RORA: variants seen among roughly 807,000 people sequenced by gnomAD.
RORA encodes RAR related orphan receptor A.
In RORA, 7 loss-of-function variants were observed where a neutral mutation model predicts 69.5. The ratio of observed to expected loss-of-function variants is 0.10; its 90% CI spans 0.06 to 0.19. The LOEUF (loss-of-function observed/expected upper bound fraction) is 0.19. RORA is among the 10% of genes least tolerant of loss of function. The pLI, the probability that RORA is intolerant of heterozygous loss-of-function variation, is 1.00. For missense variants in RORA, 457 were observed against 663.0 expected, an observed-to-expected ratio of 0.69 and a Z score of 3.41; for synonymous variants, 261 against 240.8, an observed-to-expected ratio of 1.08 and a Z score of -0.78.
intron 2 of RORA, among the ~76,000 whole-genome samples, chr15:60,617,576 G>C (rs1352663255): frequency 6.6e-6 from 1 of 151,648 alleles, no homozygotes; most frequent in African/African-American, 2.4e-5. Context: ...TAGCACAGTG[G>C]ATGATGAGCT....
chr15:60,991,728 T>A (rs1223140383), intron 1 of RORA, among the ~76,000 whole-genome samples: 1 of 151,824 alleles, frequency 6.6e-6, no homozygotes, highest in Admixed American at 6.6e-5. Flanking sequence ...CAAAACCCCA[T>A]CTCAGCCAAA....
At chr15:60,713,946 C>T (rs1431466696) in intron 1 of RORA, among the ~76,000 whole-genome samples, 2 of 152,178 alleles carry the variant, frequency 1.3e-5, no homozygotes, top group Non-Finnish European at 2.9e-5. Flanking sequence ...TAAAGTGAAG[C>T]TCTCTAGTCA....
intron 2 of RORA, chr15:60,592,262 C>CT (rs2068544963): frequency 6.6e-6 from 4 of 609,908 alleles, no homozygotes; most frequent in Non-Finnish European, 9.2e-6. Context: ...TGGCAGGGCC[C>CT]CCGCGCCGAG....
chr15:60,614,073 AT>A (rs376742157), intron 2 of RORA, among the ~76,000 whole-genome samples: 10 of 152,034 alleles, frequency 6.6e-5, no homozygotes, highest in African/African-American at 2.4e-4. Context: ...AAAAATGGTC[AT>A]TTTTTTTCCT....
At chr15:61,208,737 C>T (rs982259146) in intron 1 of RORA, among the ~76,000 whole-genome samples, 3 of 152,134 alleles carry the variant, frequency 2.0e-5, no homozygotes, top group Non-Finnish European at 4.4e-5. Flanking sequence ...GAGCCACTTA[C>T]ATAATTAATG....
rs1187959564 is a variant in RORA, at chr15:60,768,984, G to A, written c.167-90298C>T. On this transcript the variant is annotated intron_variant, in intron 1 of 10. Coordinates refer to ENST00000335670, the MANE Select transcript of RORA (RefSeq NM_134261.3). Reference sequence around the variant, plus strand: ...CTGCATGTGTGGTTATTTTTAAAACGTGCACAGTGAACACAGCTTGTGAAA... The same window carrying A: ...CTGCATGTGTGGTTATTTTTAAAACATGCACAGTGAACACAGCTTGTGAAA... 3.9e-5 allele frequency among the ~76,000 whole-genome samples: 6 copies of A among 152,102 alleles called. No homozygotes were observed. In the South Asian group the frequency reaches 8.3e-4, roughly 21 times the overall value.
At chr15:60,516,213 ATATATATATT>A (rs1416739000) in intron 3 of RORA, among the ~76,000 whole-genome samples, 7 of 11,280 alleles carry the variant, frequency 6.2e-4, no homozygotes, top group South Asian at 3.1e-3. Flanking sequence ...ATATATTTAT[ATATATATATT>A]TATATATATA....
At chr15:61,187,597 G>A (rs934362107) in intron 1 of RORA, among the ~76,000 whole-genome samples, 6 of 152,174 alleles carry the variant, frequency 3.9e-5, no homozygotes, top group Admixed American at 2.6e-4. Flanking sequence ...ACAGCGCAGG[G>A]CTACTTTGCT....
intron 1 of RORA, among the ~76,000 whole-genome samples, chr15:60,912,022 T>G (rs1014955154): frequency 6.6e-6 from 1 of 152,088 alleles, no homozygotes; most frequent in African/African-American, 2.4e-5. Context: ...GTAACTGATT[T>G]GAGGGAAGGT....
intron 1 of RORA, among the ~76,000 whole-genome samples, chr15:60,841,815 G>A (rs1016089597): frequency 4.6e-5 from 7 of 152,170 alleles, no homozygotes; most frequent in Non-Finnish European, 7.3e-5. Flanking sequence ...CACTTGTGAG[G>A]AAAGTAGAAA....
At chr15:60,648,171 TATG>T (rs1196637902) in intron 2 of RORA, among the ~76,000 whole-genome samples, 30 of 152,370 alleles carry the variant, frequency 2.0e-4, no homozygotes, top group East Asian at 5.8e-4. Flanking sequence ...GCCTTCCAAA[TATG>T]ATCCTGAAGA....
intron 1 of RORA, among the ~76,000 whole-genome samples, chr15:60,923,079 T>C (rs149818443): frequency 0.028 from 4,224 of 152,310 alleles, 75 homozygotes; most frequent in Non-Finnish European, 0.042. Flanking sequence ...TTTTTGCACT[T>C]TGTATCTTTT....
At chr15:60,908,142 T>C (rs1288168913) in intron 1 of RORA, among the ~76,000 whole-genome samples, 1 of 152,200 alleles carries the variant, frequency 6.6e-6, no homozygotes, top group Non-Finnish European at 1.5e-5. Context: ...GTTTAGTTTA[T>C]AGTTGATCCA....
At chr15:60,539,869 G>A (rs2066804980) in intron 2 of RORA, among the ~76,000 whole-genome samples, 1 of 152,194 alleles carries the variant, frequency 6.6e-6, no homozygotes, top group East Asian at 1.9e-4. Context: ...TTGGCGTAAG[G>A]TCCCTCTAAG....
chr15:60,964,658 G>T (rs577015945), intron 1 of RORA, among the ~76,000 whole-genome samples: 1 of 152,340 alleles, frequency 6.6e-6, no homozygotes, highest in East Asian at 1.9e-4. Flanking sequence ...AAGACTTGGG[G>T]TGAGATGTCC....
chr15:60,614,178 C>T lies in RORA; in HGVS notation c.196+64479G>A, dbSNP rs1183031518. Among the ~76,000 whole-genome samples the T allele has an allele frequency of 2.0e-5, 3 of 152,146 alleles. No individual in the cohort carries two copies. The East Asian group carries it at 5.8e-4, about 29-fold the overall frequency. On this transcript the variant is annotated intron_variant, in intron 2 of 10. Coordinates refer to ENST00000335670, the MANE Select transcript of RORA (RefSeq NM_134261.3). Reference sequence around the variant, plus strand: ...AAATTCATCCTTTTAGGCTGACAGGCTACAATGCCTGTCGGTTGAAAAAGA... The same window carrying T: ...AAATTCATCCTTTTAGGCTGACAGGTTACAATGCCTGTCGGTTGAAAAAGA...
chr15:60,683,559 G>A (rs1371238173), intron 1 of RORA, among the ~76,000 whole-genome samples: 1 of 151,810 alleles, frequency 6.6e-6, no homozygotes, highest in African/African-American at 2.4e-5. Flanking sequence ...CACTTTTCTT[G>A]GGAGATCTTT....
At chr15:60,810,719 G>GT (rs34086386) in intron 1 of RORA, among the ~76,000 whole-genome samples, 28 of 147,112 alleles carry the variant, frequency 1.9e-4, no homozygotes, top group Non-Finnish European at 1.8e-4. Flanking sequence ...TTTCCCTCCA[G>GT]TTTTTTTTTT....
At chr15:60,751,556 G>A (rs1221380761) in intron 1 of RORA, among the ~76,000 whole-genome samples, 3 of 152,280 alleles carry the variant, frequency 2.0e-5, no homozygotes, top group Non-Finnish European at 2.9e-5. Flanking sequence ...ATGTTGAGGT[G>A]TAAAGAGATA....
Sources: gnomAD v4.1 joint callset for allele counts (sites outside exome capture counted in the v4.1 genomes callset) on GRCh38, gnomAD v4.1.1 for gene constraint, MANE v1.5 for transcripts, NCBI Gene and HGNC (gene_info 2026-07-23, HGNC 2026-07-21) for gene names.